TRIM5: variants seen among roughly 807,000 people sequenced by gnomAD.
The protein encoded by TRIM5 is tripartite motif containing 5.
TRIM5 carries 31 observed loss-of-function variants against 35.6 expected under a neutral mutation model. The ratio of observed to expected loss-of-function variants is 0.87; its 90% CI spans 0.65 to 1.18. The LOEUF (loss-of-function observed/expected upper bound fraction) is 1.18, where lower values mean the gene tolerates loss of function less well. Ranked by LOEUF, TRIM5 falls within the 50% of genes most tolerant of loss-of-function variation. The probability of loss-of-function intolerance (pLI) is 0.00; values close to 1 mark genes in which losing one functional copy is unlikely to be tolerated. For synonymous variants in TRIM5, 243 were observed against 215.6 expected, an observed-to-expected ratio of 1.13 and a Z score of -1.11; for missense variants, 609 against 591.6, an observed-to-expected ratio of 1.03 and a Z score of -0.31.
intron 4 of TRIM5, chr11:5,669,969 C>T (rs1355972055): frequency 2.4e-5 from 4 of 163,906 alleles, no homozygotes; most frequent in Non-Finnish European, 2.8e-5. Context: ...AGCGAGACTT[C>T]ATCTGAAAAC....
chr11:5,661,818 G>C (rs538695758), downstream of TRIM5, among the ~76,000 whole-genome samples: 2 of 152,278 alleles, frequency 1.3e-5, no homozygotes, highest in East Asian at 3.9e-4. Context: ...TTCATTACTA[G>C]GGCCAGGAGC....
rs192270984 is a variant in TRIM5, at chr11:5,680,314, A to G, written c.-61-76T>C. The G allele has an allele frequency of 1.1e-3, 936 of 861,444 alleles. 7 individuals carry two copies. In the African/African-American group the frequency reaches 0.013, roughly 12 times the overall value. 53.4% of individuals were successfully genotyped at this position (861,444 alleles called of 1,614,324 possible). ...GAAAGGATATTGATTGTGCACAATTAGAAAATGGGCAAGATGAAAATAATT... is the reference window on the plus strand; with the variant it reads ...GAAAGGATATTGATTGTGCACAATTGGAAAATGGGCAAGATGAAAATAATT... On this transcript the variant is annotated intron_variant, in intron 1 of 7. Transcript: ENST00000380034.
At chr11:5,610,100 C>T in the TRIM5 span, 4 of 1,607,482 alleles carry the variant, frequency 2.5e-6, no homozygotes, top group Admixed American at 6.7e-5. Context: ...GGTGGAGGAA[C>T]CCACAGTCAG....
chr11:5,645,880 A>AAAAATATATATAT, the TRIM5 span: 4 of 136,796 alleles, frequency 2.9e-5, no homozygotes, highest in African/African-American at 1.3e-4. Flanking sequence ...AAAAAAAAAA[A>AAAAATATATATAT]ATATATATAT....
Position 5,665,141 on chromosome 11 carries a change from T to C in TRIM5, c.1150A>G (p.Met384Val), listed in dbSNP as rs1055380096. ...GVCAGFQPDAMCNIEKNENYQ... is the reference protein window; with the variant it reads ...GVCAGFQPDAVCNIEKNENYQ... ...TTTTCATTTTTTTCAATATTACACA[T>C]TGCATCAGGTTGGAAGCCAGCACAT... The change falls in exon 8 of 8, where the codon ATG (methionine) becomes GTG (valine). Residue 384 changes from methionine to valine, a missense_variant. By Grantham distance (21) the Met-to-Val change is conservative. Coordinates refer to ENST00000380034, the MANE Select transcript of TRIM5 (RefSeq NM_033034.3). 5 of 1,614,070 alleles carry C rather than the reference T, an allele frequency of 3.1e-6. No individual in the cohort carries two copies. Among genetic ancestry groups the C allele is most frequent in the Non-Finnish European group, 3.4e-6 (4 of 1,180,006 alleles).
intron 5 of TRIM5, 102 bp downstream of exon 5, chr11:5,667,587 G>T: frequency 7.9e-7 from 1 of 1,261,738 alleles, no homozygotes; most frequent in Non-Finnish European, 1.1e-6. Context: ...AAATTTTTCT[G>T]CCCTGGGAGA....
At chr11:5,593,002 A>C in the TRIM5 span, among the ~76,000 whole-genome samples, 1 of 151,856 alleles carries the variant, frequency 6.6e-6, no homozygotes, top group South Asian at 2.1e-4. Context: ...GAAAAAAGAG[A>C]GGGAGGAAAG....
intron 4 of TRIM5, among the ~76,000 whole-genome samples, chr11:5,668,311 C>CAT (rs35717763): frequency 0.15 from 22,271 of 151,616 alleles, 2,166 homozygotes; most frequent in African/African-American, 0.28. Context: ...AACAAGAAAA[C>CAT]ATATATATAT....
chr11:5,603,936 A>C, the TRIM5 span, among the ~76,000 whole-genome samples: 1 of 151,936 alleles, frequency 6.6e-6, no homozygotes, highest in Admixed American at 6.6e-5. Flanking sequence ...TTGGGGTAAA[A>C]GGGGTACTTG....
the TRIM5 span, chr11:5,634,833 G>A: frequency 6.2e-7 from 1 of 1,613,194 alleles, no homozygotes; most frequent in Non-Finnish European, 8.5e-7. Flanking sequence ...GAGTGTCGGA[G>A]TCAGTGGTCA....
chr11:5,608,616 C>G, the TRIM5 span, among the ~76,000 whole-genome samples: 1 of 151,882 alleles, frequency 6.6e-6, no homozygotes, highest in Non-Finnish European at 1.5e-5. Context: ...GGGGACAGTA[C>G]TGTTATTTAG....
Position 5,663,407 on chromosome 11 carries a change from T to G in TRIM5, c.*1402A>C, listed in dbSNP as rs1850903334. The G allele has an allele frequency of 6.1e-6, 6 of 983,058 alleles. No homozygotes were observed. The highest frequency in any genetic ancestry group is 7.2e-6 in the Non-Finnish European group (6 of 827,840). The allele number at this position is 983,058 out of a possible 1,614,324, so 60.9% of individuals were successfully genotyped here. A position where few individuals can be genotyped will look rare whatever the true frequency, so the allele number is the denominator to read the frequency against. On this transcript the variant is annotated 3_prime_UTR_variant, in exon 8 of 8. Transcript: ENST00000380034. ...ATAGAAGGCAGAATTGAAGTCATTT[T>G]GACAGTAGTATCTGAGATCTAAAAA...
the TRIM5 span, chr11:5,608,327 C>A: frequency 6.2e-7 from 1 of 1,611,446 alleles, no homozygotes; most frequent in Non-Finnish European, 8.5e-7. Flanking sequence ...TGGATAAGGG[C>A]ATGACCTGTT....
the TRIM5 span, among the ~76,000 whole-genome samples, chr11:5,619,062 G>A: frequency 6.6e-6 from 1 of 152,170 alleles, no homozygotes; most frequent in African/African-American, 2.4e-5. Flanking sequence ...AGGGTAGCCT[G>A]AGTCATATGA....
At position 5,665,119 on chromosome 11, in the gene TRIM5, T is replaced by C. The variant is rs763231561; in HGVS notation, c.1172A>G (p.Glu391Gly). ...PDAMCNIEKN[E>G]NYQPKYGYWV... The stretch of plus-strand genomic sequence containing the variant: ...GTAGCCGTATTTAGGTTGATAATTT[T>C]CATTTTTTTCAATATTACACATTGC... The change falls in exon 8 of 8, where the codon GAA becomes GGA. Residue 391 changes from glutamate (E) to glycine (G), a missense_variant. Physicochemically the swap from Glu to Gly is moderately conservative, Grantham distance 98. Transcript: ENST00000380034. 1.2e-6 allele frequency: 2 copies of C among 1,614,166 alleles called. No individual in the cohort carries two copies. Among genetic ancestry groups the C allele is most frequent in the South Asian group, 2.2e-5 (2 of 91,070 alleles).
At chr11:5,679,221 A>G (rs1388685753) in intron 2 of TRIM5, 52 bp from the exon 3 acceptor site, 2 of 1,474,400 alleles carry the variant, frequency 1.4e-6, no homozygotes, top group African/African-American at 1.4e-5. Flanking sequence ...TCCAGCACCT[A>G]GATAGAGTAT....
chr11:5,643,503 G>GT, the TRIM5 span: 4 of 1,614,004 alleles, frequency 2.5e-6, no homozygotes, highest in Non-Finnish European at 3.4e-6. Context: ...TGATCCCGAG[G>GT]TTTTGACTCT....
the TRIM5 span, chr11:5,612,161 A>G: frequency 6.6e-6 from 1 of 152,174 alleles, no homozygotes; most frequent in Non-Finnish European, 1.5e-5. Context: ...TTTTGTTCTC[A>G]TCTATGTTAA....
the TRIM5 span, chr11:5,655,810 T>C: frequency 2.2e-6 from 1 of 458,368 alleles, no homozygotes; most frequent in East Asian, 1.6e-4. Flanking sequence ...CAAACTTCCA[T>C]TGGTCTATAA....
Sources: gnomAD v4.1 joint callset for allele counts (sites outside exome capture counted in the v4.1 genomes callset) on GRCh38, gnomAD v4.1.1 for gene constraint, MANE v1.5 for transcripts, NCBI Gene and HGNC (gene_info 2026-07-23, HGNC 2026-07-21) for gene names.